CDC42EP3: variants seen among roughly 807,000 people sequenced by gnomAD.
CDC42EP3 encodes CDC42 effector protein (Rho GTPase binding) 3.
Under a neutral mutation model 15.5 loss-of-function variants are expected in CDC42EP3, and 4 were observed. That is an observed-to-expected ratio of 0.26 (90% CI 0.13 to 0.59). The LOEUF is 0.59. Ranked by LOEUF, CDC42EP3 falls within the 20% of genes least tolerant of loss-of-function variation. CDC42EP3 has a pLI of 0.89. For synonymous variants in CDC42EP3, 145 were observed against 130.3 expected (o/e 1.11, Z -0.77); for missense variants, 309 against 311.2 (o/e 0.99, Z 0.05).
chr2:37,648,665 C>G (rs1003915971), intron 1 of CDC42EP3, among the ~76,000 whole-genome samples: 2 of 152,218 alleles, frequency 1.3e-5, no homozygotes, highest in African/African-American at 4.8e-5. Flanking sequence ...GGGCTGCCAG[C>G]AATGACATGA....
intron 1 of CDC42EP3, among the ~76,000 whole-genome samples, chr2:37,666,088 A>T (rs570108234): frequency 2.1e-4 from 32 of 152,174 alleles, no homozygotes; most frequent in Non-Finnish European, 4.0e-4. Context: ...CTCCTGGTAC[A>T]TCCTCATCGC....
chr2:37,646,308 C>G lies in CDC42EP3; in HGVS notation c.280G>C (p.Val94Leu). 1 of 1,614,180 alleles carries G rather than the reference C, an allele frequency of 6.2e-7. No homozygotes were observed. The highest frequency in any genetic ancestry group is 8.5e-7 in the Non-Finnish European group (1 of 1,180,032). ...FFRANSTSDS[V>L]FTETPSPVLK... ...ACCGGGGAGGGCGTTTCTGTGAACA[C>G]AGAGTCCGAGGTGCTGTTGGCCCGG... Residue 94 changes from valine (V) to leucine (L), a missense_variant, in exon 2 of 2, where the codon GTG becomes CTG. Val to Leu is a conservative substitution (Grantham distance 32). Transcript: ENST00000295324.
chr2:37,651,637 A>G (rs1665681210), intron 1 of CDC42EP3, among the ~76,000 whole-genome samples: 1 of 152,230 alleles, frequency 6.6e-6, no homozygotes, highest in Non-Finnish European at 1.5e-5. Flanking sequence ...AAGGGAAGAG[A>G]TCTCAGAAGA....
intron 1 of CDC42EP3, among the ~76,000 whole-genome samples, chr2:37,664,757 A>C (rs1323812135): frequency 1.3e-5 from 2 of 152,204 alleles, no homozygotes. Context: ...CACTTGCGTC[A>C]ATCAGGAACA....
rs150513717 is a variant in CDC42EP3 at position 37,650,152 on chromosome 2, G to A, written c.-235-3330C>T. Among the ~76,000 whole-genome samples the A allele has an allele frequency of 7.2e-5, 11 of 152,186 alleles. No homozygotes were observed. The East Asian group carries it at 1.9e-3, about 27-fold the overall frequency. ...GCAGCTCTGATCTAGTCCTTCTATT[G>A]CATCTGTTCTCTTCCTCCCCAGCTC... On this transcript the variant is annotated intron_variant, in intron 1 of 1. Coordinates refer to ENST00000295324, the MANE Select transcript of CDC42EP3 (RefSeq NM_006449.5).
At position 37,649,972 on chromosome 2, in the gene CDC42EP3, T is replaced by C. The variant is rs72878899; in HGVS notation, c.-235-3150A>G. Among the ~76,000 whole-genome samples the C allele has an allele frequency of 7.7e-3, 1,179 of 152,310 alleles. 13 individuals are homozygous for C. Among genetic ancestry groups the C allele is most frequent in the African/African-American group, 0.026 (1,098 of 41,536 alleles). ...ATCATATTTACTGCATGATGGGGCA[T>C]AGGCTTCTAGGACTATAGAAAAAAA... is the stretch of plus-strand genomic sequence containing the variant. On this transcript the variant is annotated intron_variant, in intron 1 of 1. Transcript: ENST00000295324.
intron 1 of CDC42EP3, among the ~76,000 whole-genome samples, chr2:37,654,191 GATA>G: frequency 6.6e-6 from 1 of 152,088 alleles, no homozygotes; most frequent in Admixed American, 6.6e-5. Context: ...CCAACCAGAA[GATA>G]ATAATTCCAC....
intron 1 of CDC42EP3, among the ~76,000 whole-genome samples, chr2:37,660,076 T>G (rs1666008478): frequency 6.6e-6 from 1 of 152,222 alleles, no homozygotes; most frequent in African/African-American, 2.4e-5. Context: ...GTGTTAGAGC[T>G]GAGTGTTAAA....
intron 1 of CDC42EP3, among the ~76,000 whole-genome samples, chr2:37,661,557 T>G (rs1666057757): frequency 6.6e-6 from 1 of 152,136 alleles, no homozygotes; most frequent in African/African-American, 2.4e-5. Flanking sequence ...AACTGAATGA[T>G]GATGAATAGA....
intron 1 of CDC42EP3, among the ~76,000 whole-genome samples, chr2:37,667,413 C>G (rs1182569094): frequency 6.6e-6 from 1 of 152,180 alleles, no homozygotes; most frequent in Non-Finnish European, 1.5e-5. Flanking sequence ...ACTCTGCAAC[C>G]CCGGGCTCCC....
In CDC42EP3 at chr2:37,666,031, T is replaced by C. The variant is rs892447585; in HGVS notation, c.-236+5395A>G. On this transcript the variant is annotated intron_variant, in intron 1 of 1. Coordinates refer to ENST00000295324, the MANE Select transcript of CDC42EP3 (RefSeq NM_006449.5). ...TTCTACACACAGACACCCCTTTTGA[T>C]TGCCCTCACTTAATTCTCCATTAGT... Among the ~76,000 whole-genome samples the C allele has an allele frequency of 7.2e-5, 11 of 152,316 alleles. No homozygotes were observed. In the East Asian group the frequency reaches 1.9e-3, roughly 27 times the overall value.
intron 1 of CDC42EP3, among the ~76,000 whole-genome samples, chr2:37,652,195 A>G (rs998341370): frequency 1.3e-5 from 2 of 150,300 alleles, no homozygotes; most frequent in Admixed American, 6.6e-5. Context: ...AAAAAAAAAA[A>G]AAAAAAGAAA....
At chr2:37,664,256 C>T (rs1666182645) in intron 1 of CDC42EP3, among the ~76,000 whole-genome samples, 1 of 152,192 alleles carries the variant, frequency 6.6e-6, no homozygotes. Context: ...ATTTTTCTCC[C>T]GTGCTGGATG....
chr2:37,651,143 G>A (rs1406905376), intron 1 of CDC42EP3, among the ~76,000 whole-genome samples: 1 of 152,108 alleles, frequency 6.6e-6, no homozygotes, highest in African/African-American at 2.4e-5. Flanking sequence ...GAAAAAAAAA[G>A]AGGTGCAAAT....
At chr2:37,653,761 T>TA (rs60459309) in intron 1 of CDC42EP3, among the ~76,000 whole-genome samples, 5,743 of 141,452 alleles carry the variant, frequency 0.041, 334 homozygotes, top group African/African-American at 0.13. Flanking sequence ...AGAGAAAAAG[T>TA]AAAAAAAAAA....
chr2:37,668,855 A>G (rs1311941063), intron 1 of CDC42EP3, among the ~76,000 whole-genome samples: 1 of 152,232 alleles, frequency 6.6e-6, no homozygotes, highest in Non-Finnish European at 1.5e-5. Flanking sequence ...TAACATCCAA[A>G]GTAATGAACA....
At chr2:37,667,400 T>G (rs1367947445) in intron 1 of CDC42EP3, among the ~76,000 whole-genome samples, 2 of 152,206 alleles carry the variant, frequency 1.3e-5, no homozygotes, top group Non-Finnish European at 2.9e-5. Flanking sequence ...AGGTGGTTAC[T>G]GGACTCTGCA....
At position 37,645,853 on chromosome 2, in the gene CDC42EP3, C is replaced by A; in HGVS notation, c.735G>T (p.Glu245Asp). Reference sequence around the variant, plus strand: ...TATTTTTATCCATTACATTCAGCACCTCATCCAAAAGTGAGGGCCCAAGAT... The same window carrying A: ...TATTTTTATCCATTACATTCAGCACATCATCCAAAAGTGAGGGCCCAAGAT... Reference protein sequence around the residue: ...QLDLGPSLLDEVLNVMDKNK With the variant: ...QLDLGPSLLDDVLNVMDKNK The change falls in exon 2 of 2, where the codon GAG (glutamate) becomes GAT (aspartate). Residue 245 changes from glutamate (E) to aspartate (D), a missense_variant. Coordinates refer to ENST00000295324, the MANE Select transcript of CDC42EP3 (RefSeq NM_006449.5). 1.3e-6 allele frequency: 2 copies of A among 1,558,600 alleles called. No individual in the cohort carries two copies. The highest frequency in any genetic ancestry group is 1.7e-6 in the Non-Finnish European group (2 of 1,157,284).
intron 1 of CDC42EP3, among the ~76,000 whole-genome samples, chr2:37,671,192 G>A (rs1666406598): frequency 6.6e-6 from 1 of 152,236 alleles, no homozygotes; most frequent in South Asian, 2.1e-4. Context: ...GAAAAGTAGT[G>A]GGCACAAATG....
Sources: allele counts gnomAD v4.1 joint callset (sites outside exome capture counted in the v4.1 genomes callset), GRCh38; gene constraint gnomAD v4.1.1; transcripts MANE v1.5; gene names NCBI Gene and HGNC (gene_info 2026-07-23, HGNC 2026-07-21).